Variants in MAP4 observed in about 807,000 individuals in gnomAD.
The protein encoded by MAP4 is microtubule-associated protein 4.
MAP4 carries 76 observed loss-of-function variants against 170.2 expected under a neutral mutation model. The ratio of observed to expected loss-of-function variants is 0.45; its 90% CI spans 0.37 to 0.54. The LOEUF (loss-of-function observed/expected upper bound fraction) is 0.54. MAP4 is among the 20% of genes least tolerant of loss of function. The pLI is 0.00. For synonymous variants in MAP4, 909 were observed against 994.5 expected (o/e 0.91, Z 1.62); for missense variants, 2,506 against 2,748.0 (o/e 0.91, Z 1.97).
Position 47,916,650 on chromosome 3 carries a change from A to C in MAP4, c.1177T>G (p.Ser393Ala). 6.2e-7 allele frequency: 1 copy of C among 1,614,036 alleles called. No individual in the cohort carries two copies. The highest frequency in any genetic ancestry group is 8.5e-7 in the Non-Finnish European group (1 of 1,179,974). Residue 393 changes from serine to alanine, a missense_variant, in exon 7 of 21, where the codon TCC (serine) becomes GCC (alanine). Physicochemically the swap from Ser to Ala is moderately conservative, Grantham distance 99. Transcript: ENST00000683076. Reference protein sequence around the residue: ...ASPIKMDLAPSKDMGPPKENK... With the variant: ...ASPIKMDLAPAKDMGPPKENK... ...TCTTTGGGTGGTCCCATGTCCTTGG[A>C]AGGAGCCAAGTCCATTTTTATAGGA...
intron 3 of MAP4, among the ~76,000 whole-genome samples, chr3:47,929,016 A>C (rs1006376422): frequency 6.6e-6 from 1 of 152,240 alleles, no homozygotes; most frequent in African/African-American, 2.4e-5. Context: ...GAAGAAAAAC[A>C]GTTGAAGGGC....
At chr3:47,856,504 G>C (rs192064947) in intron 18 of MAP4, among the ~76,000 whole-genome samples, 40 of 151,996 alleles carry the variant, frequency 2.6e-4, no homozygotes, top group Admixed American at 1.8e-3. Flanking sequence ...GCTCAGGCTG[G>C]AGTGCAGTGC....
At chr3:47,977,787 G>T in intron 3 of MAP4, 78 bp downstream of exon 3, 1 of 920,144 alleles carries the variant, frequency 1.1e-6, no homozygotes, top group Non-Finnish European at 1.7e-6. Context: ...CATTAATAAT[G>T]CTCTTCAAAG....
At chr3:47,953,845 C>T (rs986753655) in intron 3 of MAP4, among the ~76,000 whole-genome samples, 1 of 151,984 alleles carries the variant, frequency 6.6e-6, no homozygotes, top group African/African-American at 2.4e-5. Context: ...GAAACCCCGA[C>T]TGTACTAAAA....
At chr3:47,931,649 A>T (rs2100049877) in intron 3 of MAP4, among the ~76,000 whole-genome samples, 1 of 148,076 alleles carries the variant, frequency 6.8e-6, no homozygotes, top group South Asian at 2.2e-4. Context: ...TGCCTAATTT[A>T]AACAAAATTT....
At chr3:48,000,200 G>A (rs935299284) in intron 1 of MAP4, among the ~76,000 whole-genome samples, 3 of 126,392 alleles carry the variant, frequency 2.4e-5, no homozygotes, top group Admixed American at 1.8e-4. Flanking sequence ...GGGCGACAGA[G>A]GAAGTCTCCG....
Position 47,951,615 on chromosome 3 carries a change from G to C in MAP4, c.293-23265C>G, listed in dbSNP as rs527499890. ...GATCCGCCAGCCTTGGCCTCCCGAG[G>C]TGCCGGGATTGCAGACGGAGTCTCG... On this transcript the variant is annotated intron_variant, in intron 3 of 20. Transcript: ENST00000683076. Among the ~76,000 whole-genome samples the C allele has an allele frequency of 2.0e-5, 3 of 152,338 alleles. No homozygotes were observed. In the South Asian group the frequency reaches 6.2e-4, roughly 32 times the overall value.
At chr3:48,033,591 TTTTTTA>T (rs1301586379) in intron 1 of MAP4, among the ~76,000 whole-genome samples, 6 of 152,064 alleles carry the variant, frequency 3.9e-5, no homozygotes, top group Non-Finnish European at 5.9e-5. Flanking sequence ...CCTTAAGAAT[TTTTTTA>T]TTTTTATTTT....
intron 10 of MAP4, among the ~76,000 whole-genome samples, chr3:47,896,597 C>T (rs780568507): frequency 3.3e-5 from 5 of 152,058 alleles, no homozygotes; most frequent in African/African-American, 9.7e-5. Context: ...TTTTCCTACT[C>T]CCTATAGGGA....
intron 1 of MAP4, among the ~76,000 whole-genome samples, chr3:47,999,414 T>C (rs1243382687): frequency 6.6e-6 from 1 of 152,030 alleles, no homozygotes; most frequent in African/African-American, 2.4e-5. Flanking sequence ...TTCCCTCAAT[T>C]AGCTAAGGGA....
chr3:47,880,406 C>G (rs2096505361), intron 10 of MAP4, among the ~76,000 whole-genome samples: 1 of 150,792 alleles, frequency 6.6e-6, no homozygotes, highest in Admixed American at 6.6e-5. Flanking sequence ...CCACACCTGG[C>G]TGACAATTAC....
intron 1 of MAP4, among the ~76,000 whole-genome samples, chr3:48,038,459 CTTTTTTT>C (rs397989482): frequency 8.2e-6 from 1 of 121,992 alleles, no homozygotes; most frequent in African/African-American, 3.1e-5. Flanking sequence ...TGCACTGAAA[CTTTTTTT>C]TTTTTTTTTT....
Position 47,908,419 on chromosome 3 carries a change from G to C in MAP4, c.5383+619C>G, listed in dbSNP as rs556221648. On this transcript the variant is annotated intron_variant, in intron 9 of 20. Transcript: ENST00000683076. ...TGGAACTGTGGGGCAATGGATATAA[G>C]CAACAAACTGGTCAAAAAATGTATC... Among the ~76,000 whole-genome samples the C allele has an allele frequency of 4.6e-3, 704 of 152,232 alleles. 4 individuals are homozygous for C. Among genetic ancestry groups the C allele is most frequent in the Non-Finnish European group, 7.4e-3 (506 of 68,008 alleles).
At chr3:47,956,579 T>A (rs1472363502) in intron 3 of MAP4, among the ~76,000 whole-genome samples, 1 of 152,214 alleles carries the variant, frequency 6.6e-6, no homozygotes. Context: ...GTTGGCTAGT[T>A]AGGAACTTGG....
intron 4 of MAP4, 122 bp downstream of exon 4, chr3:47,928,106 G>T: frequency 8.4e-7 from 1 of 1,189,318 alleles, no homozygotes; most frequent in Non-Finnish European, 1.2e-6. Flanking sequence ...ACAAACCAAT[G>T]CTAAGGTTGT....
intron 19 of MAP4, among the ~76,000 whole-genome samples, chr3:47,853,998 A>T (rs1399295617): frequency 6.6e-6 from 1 of 152,180 alleles, no homozygotes; most frequent in Non-Finnish European, 1.5e-5. Context: ...GAAGGCAGAG[A>T]AGAGAGAACA....
intron 10 of MAP4, among the ~76,000 whole-genome samples, chr3:47,890,186 G>A (rs2098318124): frequency 1.3e-5 from 2 of 152,070 alleles, no homozygotes; most frequent in South Asian, 4.1e-4. Context: ...AGAAACACAA[G>A]CTTTTTTAGA....
intron 11 of MAP4, among the ~76,000 whole-genome samples, chr3:47,876,126 CTTTTTCTTTCTT>C (rs1163034794): frequency 1.5e-4 from 19 of 128,020 alleles, no homozygotes; most frequent in Admixed American, 4.0e-4. Flanking sequence ...GTTTCTTTTT[CTTTTTCTTTCTT>C]TTTTTTTTTT....
chr3:47,987,921 A>G (rs561831137), intron 2 of MAP4, among the ~76,000 whole-genome samples: 5 of 152,158 alleles, frequency 3.3e-5, no homozygotes, highest in South Asian at 2.1e-4. Context: ...CAGGCCGGGC[A>G]CGGTGGCTCA....
Sources: allele counts gnomAD v4.1 joint callset (sites outside exome capture counted in the v4.1 genomes callset), GRCh38; gene constraint gnomAD v4.1.1; transcripts MANE v1.5; gene names NCBI Gene and HGNC (gene_info 2026-07-23, HGNC 2026-07-21).